Variants in ITPR1 observed in about 807,000 individuals in gnomAD.
ITPR1 encodes the protein inositol 1,4,5-trisphosphate-gated calcium channel ITPR1.
ITPR1 carries 96 observed loss-of-function variants against 318.4 expected under a neutral mutation model. The ratio of observed to expected loss-of-function variants is 0.30; its 90% CI spans 0.26 to 0.36. The LOEUF is 0.36. Among genes scored for constraint, ITPR1 ranks in the 10% least tolerant of loss-of-function variants. The pLI, the probability that ITPR1 is intolerant of heterozygous loss-of-function variation, is 1.00. For synonymous variants in ITPR1, 1,312 were observed against 1,289.9 expected, an observed-to-expected ratio of 1.02 and a Z score of -0.37; for missense variants, 2,440 against 3,460.2, an observed-to-expected ratio of 0.71 and a Z score of 7.40.
At position 4,768,714 on chromosome 3, in the gene ITPR1, A is replaced by G. The variant is rs1164308295; in HGVS notation, c.5929A>G (p.Ile1977Val). ...CGCGGTCATCACCATCATGCAGCCCATCCTCCGCTTCCTTCAGCTCCTGTG... is the reference window on the plus strand; with the variant it reads ...CGCGGTCATCACCATCATGCAGCCCGTCCTCCGCTTCCTTCAGCTCCTGTG... ...MSAVITIMQP[I>V]LRFLQLLCEN... is the part of the protein sequence containing the mutation. The change falls in exon 46 of 62, where the codon ATC becomes GTC. Residue 1977 changes from isoleucine to valine, a missense_variant. Around this residue, in one of 23 missense-constraint regions of ITPR1, gnomAD observed 76 missense variants for 162.1 expected, o/e 0.47. Coordinates refer to ENST00000649015, the MANE Select transcript of ITPR1 (RefSeq NM_001378452.1). 1.2e-6 allele frequency: 2 copies of G among 1,613,534 alleles called. No individual in the cohort carries two copies. Among genetic ancestry groups the G allele is most frequent in the Admixed American group, 1.7e-5 (1 of 59,992 alleles).
chr3:4,727,925 A>G (rs2042638605), intron 42 of ITPR1, among the ~76,000 whole-genome samples: 1 of 152,208 alleles, frequency 6.6e-6, no homozygotes, highest in South Asian at 2.1e-4. Flanking sequence ...ACACATGAGC[A>G]CATGTGCCAA....
chr3:4,751,674 A>C (rs969891717), intron 44 of ITPR1: 2 of 152,240 alleles, frequency 1.3e-5, no homozygotes, highest in African/African-American at 4.8e-5. Flanking sequence ...AGACATCTGC[A>C]TAAAATATCC....
At chr3:4,504,306 G>A (rs767942021) in intron 2 of ITPR1, among the ~76,000 whole-genome samples, 9 of 152,116 alleles carry the variant, frequency 5.9e-5, no homozygotes, top group Non-Finnish European at 1.2e-4. Context: ...GTGTTGCGGC[G>A]GGGGGAATGG....
chr3:4,801,639 C>A (rs2048237335), intron 54 of ITPR1, among the ~76,000 whole-genome samples: 1 of 152,070 alleles, frequency 6.6e-6, no homozygotes, highest in Admixed American at 6.6e-5. Context: ...TAGCATGCGC[C>A]TATAATCCTA....
At chr3:4,726,246 T>C (rs1050765603) in intron 41 of ITPR1, among the ~76,000 whole-genome samples, 1 of 151,466 alleles carries the variant, frequency 6.6e-6, no homozygotes, top group East Asian at 1.9e-4. Context: ...GCCAGCCTGG[T>C]CTCAAACTCC....
intron 4 of ITPR1, among the ~76,000 whole-genome samples, chr3:4,621,783 G>A (rs1008825): frequency 0.11 from 16,384 of 152,228 alleles, 959 homozygotes; most frequent in Middle Eastern, 0.17. Flanking sequence ...AGCTCAGGGC[G>A]TTTGCACGTG....
chr3:4,510,423 A>G (rs1480759648), intron 2 of ITPR1, among the ~76,000 whole-genome samples: 1 of 152,234 alleles, frequency 6.6e-6, no homozygotes, highest in Non-Finnish European at 1.5e-5. Flanking sequence ...AGAAACGAGT[A>G]GGAAGGCCTT....
Position 4,673,221 on chromosome 3 carries a change from C to A in ITPR1, c.2290C>A (p.Leu764Ile). The A allele has an allele frequency of 6.2e-7, 1 of 1,613,998 alleles. No individual in the cohort carries two copies. The highest frequency in any genetic ancestry group is 8.5e-7 in the Non-Finnish European group (1 of 1,179,864). The change falls in exon 21 of 62, where the codon CTC (leucine) becomes ATC (isoleucine). Residue 764 changes from leucine to isoleucine, a missense_variant. Transcript: ENST00000649015. ...NEISGQLDVD[L>I]ILRCMSDENL... Reference sequence around the variant, plus strand: ...AATCTCAGGCCAGCTGGATGTCGATCTCATTCTCCGCTGCATGTCTGACGA... The same window carrying A: ...AATCTCAGGCCAGCTGGATGTCGATATCATTCTCCGCTGCATGTCTGACGA...
At chr3:4,678,798 C>T (rs1035755524) in intron 24 of ITPR1, among the ~76,000 whole-genome samples, 6 of 152,144 alleles carry the variant, frequency 3.9e-5, no homozygotes, top group Middle Eastern at 6.8e-3. Flanking sequence ...AGCCTGAAGC[C>T]GAGTACCATG....
At chr3:4,568,901 T>C (rs2087680678) in intron 4 of ITPR1, among the ~76,000 whole-genome samples, 1 of 152,170 alleles carries the variant, frequency 6.6e-6, no homozygotes, top group Non-Finnish European at 1.5e-5. Flanking sequence ...TGGTGCTGGC[T>C]TGTGCTTAGC....
chr3:4,747,695 T>G lies in ITPR1; in HGVS notation c.5544+12341T>G, dbSNP rs146277300. ...CATCTCATTTGCCAAATGACAATTATGTGTGCTACATACATGTACTTCCAG... is the reference window on the plus strand; with the variant it reads ...CATCTCATTTGCCAAATGACAATTAGGTGTGCTACATACATGTACTTCCAG... On this transcript the variant is annotated intron_variant, in intron 44 of 61. Transcript: ENST00000649015. 9.0e-3 allele frequency among the ~76,000 whole-genome samples: 1,367 copies of G among 152,348 alleles called. 21 individuals are homozygous for G. The highest frequency in any genetic ancestry group is 0.037 in the Admixed American group (567 of 15,310).
intron 12 of ITPR1, among the ~76,000 whole-genome samples, chr3:4,657,387 T>G (rs545782868): frequency 1.7e-5 from 2 of 116,744 alleles, no homozygotes; most frequent in South Asian, 2.2e-4. Context: ...GTACCTAGAG[T>G]TTTTTTTTTG....
At chr3:4,671,815 A>G (rs982536074) in intron 20 of ITPR1, 2 of 152,250 alleles carry the variant, frequency 1.3e-5, no homozygotes, top group Non-Finnish European at 2.9e-5. Flanking sequence ...CTGTTCTTTC[A>G]TTCATGTGTG....
intron 39 of ITPR1, among the ~76,000 whole-genome samples, chr3:4,716,831 A>T (rs1238949852): frequency 6.6e-6 from 1 of 152,190 alleles, no homozygotes; most frequent in Non-Finnish European, 1.5e-5. Context: ...CCTAGAGGGA[A>T]TATAGTTTCC....
intron 21 of ITPR1, 57 bp downstream of exon 21, chr3:4,673,444 C>A: frequency 1.4e-6 from 2 of 1,436,028 alleles, no homozygotes; most frequent in Non-Finnish European, 9.3e-7. Flanking sequence ...AGTAGATAGC[C>A]CCATATGGTC....
At chr3:4,645,784 A>G (rs74284105) in intron 10 of ITPR1, 56 bp downstream of exon 10, 2 of 1,175,674 alleles carry the variant, frequency 1.7e-6, no homozygotes, top group Admixed American at 2.4e-5. Context: ...GCCTGTATAT[A>G]GGCTCTCTCT....
intron 4 of ITPR1, among the ~76,000 whole-genome samples, chr3:4,589,538 GTGTCA>G (rs1299501564): frequency 2.6e-5 from 4 of 152,172 alleles, no homozygotes; most frequent in Non-Finnish European, 5.9e-5. Context: ...TGCAGTGTGA[GTGTCA>G]CTAGTCTGGA....
At chr3:4,688,401 T>A (rs772351058) in intron 30 of ITPR1, 94 bp from the exon 31 acceptor site, 66 of 1,503,920 alleles carry the variant, frequency 4.4e-5, no homozygotes, top group Non-Finnish European at 5.4e-5. Flanking sequence ...AGCAAACACC[T>A]TCTGACTCCC....
At chr3:4,746,787 T>C (rs2044139870) in intron 44 of ITPR1, among the ~76,000 whole-genome samples, 1 of 152,224 alleles carries the variant, frequency 6.6e-6, no homozygotes, top group African/African-American at 2.4e-5. Flanking sequence ...CAGCTCAGCA[T>C]GGAGCTTTTA....
Sources: gnomAD v4.1 joint callset for allele counts (sites outside exome capture counted in the v4.1 genomes callset) on GRCh38, gnomAD v4.1.1 for gene constraint, gnomAD v4.1.1 regional missense constraint, MANE v1.5 for transcripts, NCBI Gene and HGNC (gene_info 2026-07-23, HGNC 2026-07-21) for gene names.